EMSY: variants seen among roughly 807,000 people sequenced by gnomAD.
EMSY encodes EMSY transcriptional repressor, BRCA2 interacting, also known as BRCA2-interacting transcriptional repressor EMSY.
A neutral mutation model predicts 134.6 loss-of-function variants in EMSY; 26 were observed. That is an observed-to-expected ratio of 0.19 (90% CI 0.14 to 0.27). EMSY has a LOEUF of 0.27. Among genes scored for constraint, EMSY ranks in the 10% least tolerant of loss-of-function variants. EMSY has a pLI of 1.00. For missense variants in EMSY, 1,305 were observed against 1,611.4 expected, an observed-to-expected ratio of 0.81 and a Z score of 3.26; for synonymous variants, 579 against 577.8, an observed-to-expected ratio of 1.00 and a Z score of -0.03.
exon 20 of EMSY, chr11:76,545,805 G>C (rs1951624314): frequency 2.5e-6 from 4 of 1,601,140 alleles, no homozygotes; most frequent in Non-Finnish European, 1.7e-6. Flanking sequence ...AGGTGGAGCA[G>C]CCAATTATAA....
intron 9 of EMSY, among the ~76,000 whole-genome samples, chr11:76,500,509 G>A (rs932558433): frequency 1.3e-5 from 2 of 152,204 alleles, no homozygotes; most frequent in African/African-American, 2.4e-5. Context: ...TAATATAAAA[G>A]CTGGGAAGAG....
exon 5 of EMSY, chr11:76,458,199 A>G (rs1296448367): frequency 6.2e-7 from 1 of 1,613,340 alleles, no homozygotes; most frequent in Admixed American, 1.7e-5. Flanking sequence ...TGGACCTAAT[A>G]GCTCTTCAGA....
intron 11 of EMSY, among the ~76,000 whole-genome samples, chr11:76,521,218 G>T (rs189900577): frequency 6.6e-6 from 1 of 152,270 alleles, no homozygotes; most frequent in East Asian, 1.9e-4. Context: ...ATGCTAATTA[G>T]ATCAAAATGG....
chr11:76,544,174 C>T (rs1297549851), intron 18 of EMSY, 85 bp from the exon 20 acceptor site: 17 of 1,349,752 alleles, frequency 1.3e-5, no homozygotes, highest in Middle Eastern at 2.4e-4. Flanking sequence ...GAGTGAATCT[C>T]GTAAGTCTTT....
chr11:76,528,081 G>A lies in EMSY; in HGVS notation c.1996-187G>A, dbSNP rs575745646. ...TCTGGCATGTACCACTTAAAACATTGTATATGGCTTACACTGTAATTTGTC... is the reference window on the plus strand; with the variant it reads ...TCTGGCATGTACCACTTAAAACATTATATATGGCTTACACTGTAATTTGTC... On this transcript the variant is annotated intron_variant, in intron 13 of 20. Coordinates refer to ENST00000334736, the Ensembl canonical transcript of EMSY. Among the ~76,000 whole-genome samples the A allele has an allele frequency of 2.0e-5, 3 of 152,230 alleles. No individual in the cohort carries two copies. The South Asian group carries it at 6.2e-4, about 32-fold the overall frequency.
chr11:76,491,669 G>A (rs570915960), intron 8 of EMSY, among the ~76,000 whole-genome samples: 54 of 152,310 alleles, frequency 3.5e-4, no homozygotes, highest in African/African-American at 5.1e-4. Context: ...GAGATCCTGC[G>A]CTAGGTAGCT....
intron 11 of EMSY, among the ~76,000 whole-genome samples, chr11:76,522,841 T>C (rs1325547232): frequency 6.6e-6 from 1 of 152,158 alleles, no homozygotes; most frequent in Non-Finnish European, 1.5e-5. Flanking sequence ...GGAATAGAGA[T>C]TGTGATTTGT....
At position 76,546,411 on chromosome 11, in the gene EMSY, G is replaced by C; in HGVS notation, c.3774+114G>C. 2.9e-6 allele frequency: 4 copies of C among 1,366,566 alleles called. No homozygotes were observed. In the South Asian group the frequency reaches 5.9e-5, roughly 20 times the overall value. The allele number at this position is 1,366,566 out of a possible 1,614,324, so 84.7% of individuals were successfully genotyped here. On this transcript the variant is annotated intron_variant, in intron 20 of 20. Transcript: ENST00000334736. Reference sequence around the variant, plus strand: ...CAAGCCAAGACAGCAGGAAGACATAGATATTATCTTTGAGATGGTGTTTGA... The same window carrying C: ...CAAGCCAAGACAGCAGGAAGACATACATATTATCTTTGAGATGGTGTTTGA...
intron 8 of EMSY, among the ~76,000 whole-genome samples, chr11:76,481,143 A>G (rs983541884): frequency 6.6e-6 from 1 of 152,152 alleles, no homozygotes; most frequent in Non-Finnish European, 1.5e-5. Context: ...TCCCGGGTTC[A>G]CACCATTCTC....
At chr11:76,493,552 T>C (rs1949510375) in intron 8 of EMSY, among the ~76,000 whole-genome samples, 1 of 151,986 alleles carries the variant, frequency 6.6e-6, no homozygotes, top group African/African-American at 2.4e-5. Flanking sequence ...ATGCACTTTC[T>C]CCCTTCTGAA....
At chr11:76,550,258 C>T in exon 21 of EMSY, 1 of 772,374 alleles carries the variant, frequency 1.3e-6, no homozygotes, top group Non-Finnish European at 1.8e-6. Flanking sequence ...GGCTGTGGAC[C>T]CTAAAACAGC....
intron 2 of EMSY, among the ~76,000 whole-genome samples, chr11:76,448,906 A>G (rs1590761358): frequency 6.6e-6 from 1 of 152,134 alleles, no homozygotes. Context: ...AGAAATTGGG[A>G]TAGAGAATTT....
At chr11:76,448,222 T>A (rs891164764) in intron 2 of EMSY, among the ~76,000 whole-genome samples, 3 of 152,216 alleles carry the variant, frequency 2.0e-5, no homozygotes, top group African/African-American at 7.2e-5. Context: ...GCCTGTCCTT[T>A]TTATTCCACC....
intron 7 of EMSY, among the ~76,000 whole-genome samples, chr11:76,469,993 C>A (rs959370713): frequency 5.9e-5 from 9 of 152,068 alleles, no homozygotes; most frequent in African/African-American, 2.2e-4. Context: ...ACTAACAAAC[C>A]CCTTAAAGTA....
intron 2 of EMSY, among the ~76,000 whole-genome samples, chr11:76,447,421 G>A (rs1328943626): frequency 6.6e-6 from 1 of 152,208 alleles, no homozygotes; most frequent in African/African-American, 2.4e-5. Context: ...ATTTGAACCA[G>A]GGAGTATGCT....
At chr11:76,465,847 C>CT (rs1440176981) in intron 7 of EMSY, among the ~76,000 whole-genome samples, 6 of 152,206 alleles carry the variant, frequency 3.9e-5, no homozygotes, top group African/African-American at 1.2e-4. Context: ...TGACTGGTGA[C>CT]TTTCATCGTA....
At chr11:76,483,957 C>A (rs935743301) in intron 8 of EMSY, among the ~76,000 whole-genome samples, 3 of 152,170 alleles carry the variant, frequency 2.0e-5, no homozygotes, top group African/African-American at 7.2e-5. Context: ...TTCTTCTCAG[C>A]ACCACATCAC....
rs779591935 is a variant in EMSY, at chr11:76,545,774, A to G, written c.3274-23A>G. On this transcript the variant is annotated intron_variant, in intron 19 of 20. Transcript: ENST00000334736. ...TCTCAAAGAGATGTAGCTATAACAC[A>G]CACAACCCCAATTTATTTTCAGGTG... 8 of 1,580,558 alleles carry G rather than the reference A, an allele frequency of 5.1e-6. No individual in the cohort carries two copies. The East Asian group carries it at 1.8e-4, about 35-fold the overall frequency.
intron 8 of EMSY, among the ~76,000 whole-genome samples, chr11:76,485,436 T>C (rs1194475624): frequency 2.0e-5 from 3 of 152,124 alleles, no homozygotes; most frequent in Non-Finnish European, 4.4e-5. Context: ...ACAGAGCCAA[T>C]GACAAAAACC....
Sources: allele counts gnomAD v4.1 joint callset (sites outside exome capture counted in the v4.1 genomes callset), GRCh38; gene constraint gnomAD v4.1.1; transcripts MANE v1.5; gene names NCBI Gene and HGNC (gene_info 2026-07-23, HGNC 2026-07-21).